METTL15: variants seen among roughly 807,000 people sequenced by gnomAD.
The protein encoded by METTL15 is 12S rRNA N(4)-cytidine methyltransferase METTL15.
In METTL15, 34 loss-of-function variants were observed where a neutral mutation model predicts 38.3. The ratio of observed to expected loss-of-function variants is 0.89; its 90% CI spans 0.68 to 1.18. The LOEUF is 1.18. Ranked by LOEUF, METTL15 falls within the 50% of genes most tolerant of loss-of-function variation. The probability of loss-of-function intolerance (pLI) is 0.00; values close to 1 mark genes in which losing one functional copy is unlikely to be tolerated. For synonymous variants in METTL15, 162 were observed against 170.9 expected (o/e 0.95, Z 0.41); for missense variants, 438 against 498.4 (o/e 0.88, Z 1.15).
chr11:28,266,196 A>G (rs1019424586), intron 4 of METTL15, among the ~76,000 whole-genome samples: 3 of 152,180 alleles, frequency 2.0e-5, no homozygotes, highest in Non-Finnish European at 2.9e-5. Flanking sequence ...TGACCCAGCA[A>G]TCCCATTACT....
intron 3 of METTL15, among the ~76,000 whole-genome samples, chr11:28,349,927 TA>T (rs1850027380): frequency 6.6e-6 from 1 of 152,234 alleles, no homozygotes; most frequent in African/African-American, 2.4e-5. Flanking sequence ...AGGTGTTGCA[TA>T]AATGATGAGA....
In METTL15 at chr11:28,491,248, G is replaced by A. The variant is rs184020954; in HGVS notation, c.*425-35230G>A. On this transcript the variant is annotated intron_variant and NMD_transcript_variant, in intron 6 of 7. Transcript: ENST00000532947. Reference sequence around the variant, plus strand: ...GAGTACAAAGCTGTAGTCCAGCTTTGACCAACTAGTCCATTTATTCATATT... The same window carrying A: ...GAGTACAAAGCTGTAGTCCAGCTTTAACCAACTAGTCCATTTATTCATATT... Among the ~76,000 whole-genome samples the A allele has an allele frequency of 2.5e-3, 383 of 152,200 alleles. 5 individuals are homozygous for A. The highest frequency in any genetic ancestry group is 1.4e-3 in the Non-Finnish European group (93 of 67,988).
At chr11:28,426,653 T>A (rs1850868253) in intron 6 of METTL15, among the ~76,000 whole-genome samples, 1 of 150,376 alleles carries the variant, frequency 6.6e-6, no homozygotes, top group African/African-American at 2.4e-5. Context: ...TGGTATCTCA[T>A]TGTGGTTTTG....
At chr11:28,131,140 G>A (rs1047764731) in intron 3 of METTL15, among the ~76,000 whole-genome samples, 20 of 151,996 alleles carry the variant, frequency 1.3e-4, no homozygotes, top group African/African-American at 4.8e-4. Context: ...TTCTAGGTTA[G>A]AGGAAAGAAG....
intron 3 of METTL15, among the ~76,000 whole-genome samples, chr11:28,182,964 G>A (rs1158103194): frequency 1.3e-5 from 2 of 152,028 alleles, no homozygotes; most frequent in African/African-American, 4.8e-5. Flanking sequence ...CTTGGAAGAG[G>A]TGCTTCACTT....
intron 5 of METTL15, among the ~76,000 whole-genome samples, chr11:28,395,031 A>T (rs371333757): frequency 6.6e-6 from 1 of 152,146 alleles, no homozygotes; most frequent in Non-Finnish European, 1.5e-5. Context: ...GTAATCAGCC[A>T]TAATTACAAT....
chr11:28,115,991 G>A (rs1239526181), intron 3 of METTL15, among the ~76,000 whole-genome samples: 1 of 151,114 alleles, frequency 6.6e-6, no homozygotes, highest in Non-Finnish European at 1.5e-5. Context: ...GGATTTACCA[G>A]TGCACCACAA....
At chr11:28,281,783 G>A (rs1856065366) in intron 4 of METTL15, among the ~76,000 whole-genome samples, 1 of 152,046 alleles carries the variant, frequency 6.6e-6, no homozygotes, top group South Asian at 2.1e-4. Flanking sequence ...TTGAGCACTG[G>A]ACAGTCTTAA....
At chr11:28,396,365 C>T (rs1175237456) in intron 5 of METTL15, among the ~76,000 whole-genome samples, 2 of 152,166 alleles carry the variant, frequency 1.3e-5, no homozygotes, top group Non-Finnish European at 2.9e-5. Context: ...AGCCCAAAAT[C>T]TCCTTAAGCT....
chr11:28,474,110 A>T (rs186614743), intron 6 of METTL15, among the ~76,000 whole-genome samples: 3 of 152,072 alleles, frequency 2.0e-5, no homozygotes, highest in African/African-American at 2.4e-5. Context: ...ATACACATGT[A>T]TATACATACT....
At chr11:28,162,871 A>T (rs890379125) in intron 3 of METTL15, among the ~76,000 whole-genome samples, 2 of 152,170 alleles carry the variant, frequency 1.3e-5, no homozygotes. Flanking sequence ...CTGAATGCAT[A>T]TAACTTTCAC....
intron 4 of METTL15, among the ~76,000 whole-genome samples, chr11:28,226,527 C>T (rs1032650255): frequency 6.6e-6 from 1 of 151,922 alleles, no homozygotes; most frequent in Non-Finnish European, 1.5e-5. Context: ...TTTTCTAGCA[C>T]TTGAAGTTTA....
intron 3 of METTL15, among the ~76,000 whole-genome samples, chr11:28,208,808 A>G (rs1852489866): frequency 1.3e-5 from 2 of 151,970 alleles, no homozygotes; most frequent in African/African-American, 4.8e-5. Context: ...AGAAGGAGTA[A>G]ACTAATTGGC....
At chr11:28,200,588 A>C (rs1852074783) in intron 3 of METTL15, among the ~76,000 whole-genome samples, 1 of 152,102 alleles carries the variant, frequency 6.6e-6, no homozygotes, top group Non-Finnish European at 1.5e-5. Flanking sequence ...CAGCGGTCTA[A>C]TATTGTGAGA....
chr11:28,296,309 C>T (rs1856732696), intron 5 of METTL15, among the ~76,000 whole-genome samples: 1 of 152,136 alleles, frequency 6.6e-6, no homozygotes, highest in South Asian at 2.1e-4. Context: ...AGTTATTTTA[C>T]AGCCTCAGAT....
intron 4 of METTL15, among the ~76,000 whole-genome samples, chr11:28,257,123 CTT>C (rs1565205723): frequency 6.6e-6 from 1 of 152,088 alleles, no homozygotes; most frequent in Non-Finnish European, 1.5e-5. Context: ...CTGAGAAAGT[CTT>C]TTCATGTATG....
At chr11:28,532,148 A>T in the METTL15 span, among the ~76,000 whole-genome samples, 2 of 152,100 alleles carry the variant, frequency 1.3e-5, no homozygotes, top group African/African-American at 4.8e-5. Flanking sequence ...CATCTCCATG[A>T]TGTCTGTACT....
chr11:28,286,973 G>T (rs911314872), intron 4 of METTL15, among the ~76,000 whole-genome samples: 1 of 148,794 alleles, frequency 6.7e-6, no homozygotes, highest in African/African-American at 2.5e-5. Context: ...ATATATATAT[G>T]TACTCTCCAC....
chr11:28,191,437 A>C lies in METTL15; in HGVS notation c.271-19625A>C, dbSNP rs150182298. Among the ~76,000 whole-genome samples, 7 of 151,636 alleles carry C rather than the reference A, an allele frequency of 4.6e-5. No individual in the cohort carries two copies. The East Asian group carries it at 1.2e-3, about 25-fold the overall frequency. ...AAAATAGAAGATCTGAGTTTTATTT[A>C]TGCTTTATATAAATGTAAAGAAATC... On this transcript the variant is annotated intron_variant, in intron 3 of 6. Coordinates refer to ENST00000407364, the MANE Select transcript of METTL15 (RefSeq NM_001113528.2).
Sources: allele counts gnomAD v4.1 joint callset (sites outside exome capture counted in the v4.1 genomes callset), GRCh38; gene constraint gnomAD v4.1.1; transcripts MANE v1.5; gene names NCBI Gene and HGNC (gene_info 2026-07-23, HGNC 2026-07-21).